The following ZRANB3 variants were observed in gnomAD, a reference collection of about 807,000 sequenced individuals.
ZRANB3 encodes the protein zinc finger RANBP2-type containing 3.
ZRANB3 carries 125 observed loss-of-function variants against 133.8 expected under a neutral mutation model. The observed-to-expected ratio is 0.93, with a 90% CI of 0.81 to 1.08. ZRANB3 has a LOEUF of 1.08. Among genes scored for constraint, ZRANB3 ranks in the 50% least tolerant of loss-of-function variants. The probability of loss-of-function intolerance (pLI) is 0.00; values close to 1 mark genes in which losing one functional copy is unlikely to be tolerated. For missense variants in ZRANB3, 1,229 were observed against 1,275.5 expected (o/e 0.96, Z 0.56); for synonymous variants, 387 against 432.7 (o/e 0.89, Z 1.31).
At chr2:135,484,364 T>A (rs962318260) in intron 2 of ZRANB3, among the ~76,000 whole-genome samples, 3 of 152,176 alleles carry the variant, frequency 2.0e-5, no homozygotes, top group African/African-American at 7.2e-5. Flanking sequence ...GCTTCTTACA[T>A]CTCCTGAATG....
chr2:135,374,964 A>G (rs948433576), intron 3 of ZRANB3, among the ~76,000 whole-genome samples: 2 of 152,128 alleles, frequency 1.3e-5, no homozygotes, highest in African/African-American at 2.4e-5. Flanking sequence ...ATCCTCAACA[A>G]CATAGGTGAA....
chr2:135,490,139 C>A (rs1692308820), intron 2 of ZRANB3, among the ~76,000 whole-genome samples: 1 of 152,184 alleles, frequency 6.6e-6, no homozygotes, highest in Admixed American at 6.5e-5. Flanking sequence ...GTGAGCACTG[C>A]CTACAAAATC....
In ZRANB3 at chr2:135,271,889, T is replaced by G. The variant is rs758814027; in HGVS notation, c.1087-2A>C. Reference sequence around the variant, plus strand: ...TCCATCTATCCTAATGTAACGAGTCTAGCATCAACAAGGAAAACGGCAAAA... The same window carrying G: ...TCCATCTATCCTAATGTAACGAGTCGAGCATCAACAAGGAAAACGGCAAAA... On this transcript the variant is annotated splice_acceptor_variant, in intron 9 of 20. Coordinates refer to ENST00000264159, the MANE Select transcript of ZRANB3 (RefSeq NM_032143.4). LOFTEE classifies it high-confidence loss of function. 1 of 1,608,958 alleles carries G rather than the reference T, an allele frequency of 6.2e-7. No homozygotes were observed. Among genetic ancestry groups the G allele is most frequent in the South Asian group, 1.1e-5 (1 of 89,440 alleles).
intron 2 of ZRANB3, among the ~76,000 whole-genome samples, chr2:135,426,056 C>T (rs1689050865): frequency 6.6e-6 from 1 of 152,030 alleles, no homozygotes; most frequent in African/African-American, 2.4e-5. Flanking sequence ...GAGACTATTA[C>T]TGACAGCAAA....
chr2:135,504,948 T>G (rs1693107520), intron 1 of ZRANB3, among the ~76,000 whole-genome samples: 1 of 152,000 alleles, frequency 6.6e-6, no homozygotes, highest in African/African-American at 2.4e-5. Flanking sequence ...TTTAAAAAAA[T>G]TATAAAATAC....
intron 8 of ZRANB3, among the ~76,000 whole-genome samples, chr2:135,284,632 C>T (rs1335415233): frequency 6.6e-6 from 1 of 151,892 alleles, no homozygotes; most frequent in Non-Finnish European, 1.5e-5. Flanking sequence ...TCACCACGCC[C>T]GGCTAATTTT....
At chr2:135,514,186 T>C (rs934318216) in intron 1 of ZRANB3, among the ~76,000 whole-genome samples, 49 of 152,148 alleles carry the variant, frequency 3.2e-4, no homozygotes, top group African/African-American at 1.1e-3. Flanking sequence ...AGAAAGTCAA[T>C]GGTAGCTTGA....
chr2:135,248,040 G>A (rs1695882545), intron 12 of ZRANB3, among the ~76,000 whole-genome samples: 1 of 152,206 alleles, frequency 6.6e-6, no homozygotes. Flanking sequence ...TCCCTGGGAT[G>A]AAGCTCCTAG....
intron 2 of ZRANB3, among the ~76,000 whole-genome samples, chr2:135,456,650 T>C (rs774579161): frequency 2.0e-5 from 3 of 152,298 alleles, no homozygotes; most frequent in Non-Finnish European, 4.4e-5. Context: ...TGTGGTGATC[T>C]TTCCAAAGGA....
At chr2:135,315,857 A>C (rs995160094) in intron 6 of ZRANB3, among the ~76,000 whole-genome samples, 1 of 152,220 alleles carries the variant, frequency 6.6e-6, no homozygotes, top group Non-Finnish European at 1.5e-5. Flanking sequence ...GGGCTCACAC[A>C]TGGTGGTGTT....
intron 2 of ZRANB3, among the ~76,000 whole-genome samples, chr2:135,457,063 G>T (rs114929672): frequency 6.6e-6 from 1 of 152,064 alleles, no homozygotes; most frequent in South Asian, 2.1e-4. Context: ...TCATAAATAC[G>T]CCATCATACA....
chr2:135,514,400 G>C (rs1411671708), intron 1 of ZRANB3, among the ~76,000 whole-genome samples: 1 of 152,062 alleles, frequency 6.6e-6, no homozygotes, highest in Non-Finnish European at 1.5e-5. Context: ...TCTCTTTGTA[G>C]CAATTGTTAA....
Position 135,353,492 on chromosome 2 carries a change from C to G in ZRANB3, c.317G>C (p.Ser106Thr). The G allele has an allele frequency of 6.2e-7, 1 of 1,608,944 alleles. No individual in the cohort carries two copies. Among genetic ancestry groups the G allele is most frequent in the Non-Finnish European group, 8.5e-7 (1 of 1,177,372 alleles). The change falls in exon 4 of 21, where the codon AGT (serine) becomes ACT (threonine). Residue 106 changes from serine (S) to threonine (T), a missense_variant. Ser to Thr is a moderately conservative substitution (Grantham distance 58). Transcript: ENST00000264159. ...CTGAATAACATTGATTTCTTCTGGACTTAGCTCTGGGATCCATTTTTCAAT... is the reference window on the plus strand; with the variant it reads ...CTGAATAACATTGATTTCTTCTGGAGTTAGCTCTGGGATCCATTTTTCAAT... The part of the protein sequence containing the change: ...EEIEKWIPEL[S>T]PEEINVIQNK...
At chr2:135,487,031 T>C (rs1451406333) in intron 2 of ZRANB3, among the ~76,000 whole-genome samples, 2 of 152,222 alleles carry the variant, frequency 1.3e-5, no homozygotes, top group Admixed American at 6.5e-5. Flanking sequence ...CAAAATGTAT[T>C]TCTTAAATAT....
Position 135,268,896 on chromosome 2 carries a change from C to T in ZRANB3, c.1386+66G>A. ...GCCTGAAAACACTAAAACTCAGCCT[C>T]TTAACTCACATTGGCTATGGTTAAT... On this transcript the variant is annotated intron_variant, in intron 11 of 20. Transcript: ENST00000264159. 3 of 1,467,136 alleles carry T rather than the reference C, an allele frequency of 2.0e-6. No individual in the cohort carries two copies. In the South Asian group the frequency reaches 4.1e-5, roughly 20 times the overall value. The allele number at this position is 1,467,136 out of a possible 1,614,324, so 90.9% of individuals were successfully genotyped here.
intron 6 of ZRANB3, among the ~76,000 whole-genome samples, chr2:135,335,675 AG>A (rs1206887981): frequency 5.9e-5 from 9 of 152,154 alleles, no homozygotes; most frequent in African/African-American, 2.2e-4. Context: ...CCCAGGCAAA[AG>A]AGCAAGACTC....
intron 17 of ZRANB3, among the ~76,000 whole-genome samples, chr2:135,212,951 T>C (rs1694161050): frequency 6.6e-6 from 1 of 152,130 alleles, no homozygotes; most frequent in African/African-American, 2.4e-5. Context: ...AAACAGTGGC[T>C]GGTAATCTTG....
intron 2 of ZRANB3, among the ~76,000 whole-genome samples, chr2:135,405,561 T>G (rs186358504): frequency 2.6e-5 from 4 of 152,190 alleles, no homozygotes; most frequent in African/African-American, 9.7e-5. Context: ...ATTGACCACA[T>G]AGTTGGAAGT....
intron 8 of ZRANB3, among the ~76,000 whole-genome samples, chr2:135,305,617 T>C (rs895093187): frequency 1.3e-5 from 2 of 152,216 alleles, no homozygotes; most frequent in Non-Finnish European, 1.5e-5. Flanking sequence ...GGTGGCTTTC[T>C]GTAGTAGTAA....
Sources: allele counts gnomAD v4.1 joint callset (sites outside exome capture counted in the v4.1 genomes callset), GRCh38; gene constraint gnomAD v4.1.1; transcripts MANE v1.5; gene names NCBI Gene and HGNC (gene_info 2026-07-23, HGNC 2026-07-21).